The following ELOVL6 variants were observed in gnomAD, a reference collection of about 807,000 sequenced individuals.
The protein encoded by ELOVL6 is ELOVL fatty acid elongase 6, also known as very long chain fatty acid elongase 6.
Under a neutral mutation model 31.7 loss-of-function variants are expected in ELOVL6, and 8 were observed. The ratio of observed to expected loss-of-function variants is 0.25; its 90% CI spans 0.15 to 0.45. The LOEUF (loss-of-function observed/expected upper bound fraction) is 0.45, where lower values mean the gene tolerates loss of function less well. ELOVL6 is among the 20% of genes least tolerant of loss of function. The pLI is 1.00. For synonymous variants in ELOVL6, 101 were observed against 117.7 expected (o/e 0.86, Z 0.92); for missense variants, 126 against 326.4 (o/e 0.39, Z 4.73).
intron 1 of ELOVL6, among the ~76,000 whole-genome samples, chr4:110,180,276 T>A (rs1759233194): frequency 6.6e-6 from 1 of 152,368 alleles, no homozygotes; most frequent in South Asian, 2.1e-4. Flanking sequence ...AATGTGCTAA[T>A]CTCGTCTCAC....
chr4:110,059,234 A>G (rs1490938612), intron 3 of ELOVL6, among the ~76,000 whole-genome samples: 1 of 152,146 alleles, frequency 6.6e-6, no homozygotes, highest in Non-Finnish European at 1.5e-5. Flanking sequence ...ATGCTCAGAT[A>G]TGGGACTTGG....
chr4:110,117,903 A>AAATTAT, intron 1 of ELOVL6: 1 of 6,508 alleles, frequency 1.5e-4, no homozygotes, highest in African/African-American at 3.3e-4. Context: ...AAAAAAAAAA[A>AAATTAT]ATATATATAT....
chr4:110,186,822 AATAT>A (rs1284269627), intron 1 of ELOVL6, among the ~76,000 whole-genome samples: 2,153 of 59,452 alleles, frequency 0.036, 44 homozygotes, highest in Middle Eastern at 0.11. Context: ...AAAAAAAAAA[AATAT>A]ATATATATAT....
intron 1 of ELOVL6, among the ~76,000 whole-genome samples, chr4:110,197,203 T>C (rs548478232): frequency 3.3e-5 from 5 of 152,252 alleles, no homozygotes; most frequent in Admixed American, 1.3e-4. Context: ...CCGGGGTGCG[T>C]TGGGCTTGAA....
intron 2 of ELOVL6, among the ~76,000 whole-genome samples, chr4:110,064,256 A>G (rs1755234322): frequency 6.6e-6 from 1 of 152,040 alleles, no homozygotes; most frequent in Admixed American, 6.6e-5. Flanking sequence ...GGTGGGGATC[A>G]CCATCCTGAT....
chr4:110,148,109 C>CAAAAAAAAAAAAAAAAAAAAAAAAAAAAA, intron 1 of ELOVL6, among the ~76,000 whole-genome samples: 1 of 54,938 alleles, frequency 1.8e-5, no homozygotes, highest in Non-Finnish European at 4.1e-5. Flanking sequence ...AACTCGGTCT[C>CAAAAAAAAAAAAAAAAAAAAAAAAAAAAA]AAAAAAAAAA....
intron 2 of ELOVL6, among the ~76,000 whole-genome samples, chr4:110,085,033 T>C (rs1756209861): frequency 1.3e-5 from 2 of 152,248 alleles, no homozygotes; most frequent in African/African-American, 4.8e-5. Flanking sequence ...GATTAAGTTG[T>C]GGTAGAGTGT....
intron 1 of ELOVL6, among the ~76,000 whole-genome samples, chr4:110,149,980 G>A (rs925046356): frequency 6.6e-6 from 1 of 152,168 alleles, no homozygotes; most frequent in Non-Finnish European, 1.5e-5. Context: ...TGTAGTGAGA[G>A]TGAACAGTTA....
intron 1 of ELOVL6, among the ~76,000 whole-genome samples, chr4:110,116,567 AATTTACTAAAATTACTAAT>A (rs1448978090): frequency 6.6e-6 from 1 of 152,218 alleles, no homozygotes; most frequent in Non-Finnish European, 1.5e-5. Context: ...TATAATATAC[AATTTACTAAAATTACTAAT>A]ATGTATTCGA....
chr4:110,176,101 T>C (rs1248622065), intron 1 of ELOVL6, among the ~76,000 whole-genome samples: 1 of 152,006 alleles, frequency 6.6e-6, no homozygotes, highest in East Asian at 1.9e-4. Flanking sequence ...AAGAGTAATT[T>C]ACTCAATAGT....
chr4:110,168,359 A>G (rs1158485611), intron 1 of ELOVL6, among the ~76,000 whole-genome samples: 1 of 152,062 alleles, frequency 6.6e-6, no homozygotes, highest in African/African-American at 2.4e-5. Context: ...TACTAAAAAA[A>G]TATGCAAAAG....
rs1047018771 is a variant in ELOVL6, at chr4:110,045,889, T to C, written c.*5449A>G. 2 of 152,190 alleles carry C rather than the reference T, an allele frequency of 1.3e-5. No homozygotes were observed. The highest frequency in any genetic ancestry group is 2.9e-5 in the Non-Finnish European group (2 of 68,024). 9.4% of individuals were successfully genotyped at this position (152,190 alleles called of 1,614,324 possible). On this transcript the variant is annotated 3_prime_UTR_variant, in exon 4 of 4. Transcript: ENST00000302274. The stretch of plus-strand genomic sequence containing the variant: ...GTTATGATTTTATTTTTAATTTTAA[T>C]ACACCAGGAAAAAATATTTTTTTTA...
chr4:110,123,006 A>G lies in ELOVL6; in HGVS notation c.90-17378T>C, dbSNP rs76334244. On this transcript the variant is annotated intron_variant, in intron 1 of 3. Coordinates refer to ENST00000302274, the MANE Select transcript of ELOVL6 (RefSeq NM_024090.3). Reference sequence around the variant, plus strand: ...GCACTTGTCTGTTTGTATTTTACACACAAGCTAACATATCTGTCTTTCCTT... The same window carrying G: ...GCACTTGTCTGTTTGTATTTTACACGCAAGCTAACATATCTGTCTTTCCTT... 5.0e-3 allele frequency among the ~76,000 whole-genome samples: 759 copies of G among 152,310 alleles called. 5 individuals are homozygous for G. The highest frequency in any genetic ancestry group is 7.2e-3 in the Non-Finnish European group (493 of 68,028).
At chr4:110,092,426 C>T (rs996289863) in intron 2 of ELOVL6, among the ~76,000 whole-genome samples, 1 of 152,146 alleles carries the variant, frequency 6.6e-6, no homozygotes. Context: ...CTAACAACAG[C>T]ATATAACCAT....
chr4:110,179,210 T>C (rs558406488), intron 1 of ELOVL6, among the ~76,000 whole-genome samples: 36 of 151,998 alleles, frequency 2.4e-4, no homozygotes, highest in African/African-American at 8.4e-4. Context: ...CTTCAGAAAA[T>C]AGGGCAAAAA....
At chr4:110,178,669 C>T (rs1048670944) in intron 1 of ELOVL6, among the ~76,000 whole-genome samples, 1 of 151,978 alleles carries the variant, frequency 6.6e-6, no homozygotes, top group African/African-American at 2.4e-5. Context: ...ACCTGGGCAA[C>T]ATAGTGAGAC....
intron 2 of ELOVL6, among the ~76,000 whole-genome samples, chr4:110,090,601 T>C (rs1163264270): frequency 4.5e-5 from 4 of 88,304 alleles, no homozygotes; most frequent in African/African-American, 2.1e-4. Flanking sequence ...TTTGACTTTC[T>C]TTTTTTTTTT....
intron 1 of ELOVL6, among the ~76,000 whole-genome samples, chr4:110,149,386 C>T (rs1758220212): frequency 2.6e-5 from 4 of 152,158 alleles, no homozygotes; most frequent in African/African-American, 9.7e-5. Context: ...ACTTAAGTGT[C>T]CATCAGTGGA....
At chr4:110,087,514 G>A (rs1322995397) in intron 2 of ELOVL6, among the ~76,000 whole-genome samples, 4 of 152,104 alleles carry the variant, frequency 2.6e-5, no homozygotes, top group African/African-American at 4.8e-5. Context: ...GCTCTAAAGG[G>A]TAATTATTCT....
Sources: gnomAD v4.1 joint callset for allele counts (sites outside exome capture counted in the v4.1 genomes callset) on GRCh38, gnomAD v4.1.1 for gene constraint, MANE v1.5 for transcripts, NCBI Gene and HGNC (gene_info 2026-07-23, HGNC 2026-07-21) for gene names.